Variants in MAGI2 observed in about 807,000 individuals in gnomAD.
The protein encoded by MAGI2 is membrane associated guanylate kinase, WW and PDZ domain containing 2, also known as membrane-associated guanylate kinase, WW and PDZ domain-containing protein 2.
A neutral mutation model predicts 133.3 loss-of-function variants in MAGI2; 35 were observed. The ratio of observed to expected loss-of-function variants is 0.26; its 90% CI spans 0.20 to 0.35. The LOEUF (loss-of-function observed/expected upper bound fraction) is 0.35, where lower values mean the gene tolerates loss of function less well. Among genes scored for constraint, MAGI2 ranks in the 10% least tolerant of loss-of-function variants. The probability of loss-of-function intolerance (pLI) is 1.00; values close to 1 mark genes in which losing one functional copy is unlikely to be tolerated. For synonymous variants in MAGI2, 729 were observed against 710.6 expected, an observed-to-expected ratio of 1.03 and a Z score of -0.41; for missense variants, 1,636 against 1,863.4, an observed-to-expected ratio of 0.88 and a Z score of 2.25.
chr7:78,578,855 C>T (rs1359333441), intron 3 of MAGI2, among the ~76,000 whole-genome samples: 1 of 152,160 alleles, frequency 6.6e-6, no homozygotes, highest in Non-Finnish European at 1.5e-5. Context: ...CAAAATACTC[C>T]CAGGCCTTCA....
chr7:78,388,391 C>A (rs1253883066), intron 6 of MAGI2, among the ~76,000 whole-genome samples: 1 of 152,074 alleles, frequency 6.6e-6, no homozygotes, highest in Admixed American at 6.5e-5. Flanking sequence ...TGGGTCCAAA[C>A]TTAGAGTGTG....
At chr7:78,205,648 T>C (rs1373243675) in intron 10 of MAGI2, among the ~76,000 whole-genome samples, 1 of 152,218 alleles carries the variant, frequency 6.6e-6, no homozygotes, top group Non-Finnish European at 1.5e-5. Context: ...TTGTTTGAAA[T>C]TCAATTTAAT....
chr7:78,749,704 G>A (rs959627150), intron 2 of MAGI2, among the ~76,000 whole-genome samples: 1 of 152,104 alleles, frequency 6.6e-6, no homozygotes, highest in Non-Finnish European at 1.5e-5. Flanking sequence ...CTGGGGAGAT[G>A]TTAAAGATTT....
In MAGI2 at chr7:79,280,926, G is replaced by GA. The variant is rs71095390; in HGVS notation, c.301+172093dup. Among the ~76,000 whole-genome samples the GA allele has an allele frequency of 7.5e-4, 27 of 35,786 alleles. 3 individuals are homozygous for GA. Among genetic ancestry groups the GA allele is most frequent in the South Asian group, 2.3e-3 (1 of 442 alleles). The allele number at this position is 35,786 out of a possible 152,430, so 23.5% of individuals were successfully genotyped here. ...GGTGACAGAGCAAGACTCTGTCTCT[G>GA]AAAAAAAAAAAAAAAAAAAAAAAAA... On this transcript the variant is annotated intron_variant, in intron 1 of 21. Transcript: ENST00000354212.
chr7:79,215,068 C>T (rs1467120881), intron 1 of MAGI2, among the ~76,000 whole-genome samples: 1 of 151,504 alleles, frequency 6.6e-6, no homozygotes, highest in East Asian at 1.9e-4. Context: ...CAAGGGCATT[C>T]CAAAGTAAAG....
At chr7:78,555,274 T>C (rs1252626303) in intron 3 of MAGI2, among the ~76,000 whole-genome samples, 5 of 152,126 alleles carry the variant, frequency 3.3e-5, no homozygotes, top group African/African-American at 1.2e-4. Context: ...TGGGACTTTG[T>C]TTCCTTATGA....
intron 6 of MAGI2, among the ~76,000 whole-genome samples, chr7:78,379,669 C>T (rs2068338): frequency 0.82 from 124,123 of 151,978 alleles, 50,803 homozygotes; most frequent in Admixed American, 0.85. Flanking sequence ...AATATCATAA[C>T]TAGGCAGATC....
intron 1 of MAGI2, among the ~76,000 whole-genome samples, chr7:79,213,276 A>G (rs74616859): frequency 0.018 from 2,614 of 147,488 alleles, 102 homozygotes; most frequent in African/African-American, 0.061. Flanking sequence ...GTGGGTGTGT[A>G]TATATATATG....
intron 21 of MAGI2, among the ~76,000 whole-genome samples, chr7:78,075,102 G>C (rs947428654): frequency 2.6e-5 from 4 of 152,216 alleles, no homozygotes; most frequent in African/African-American, 9.6e-5. Flanking sequence ...TTGCTTCTGG[G>C]AGTCTGGAAG....
At chr7:79,188,803 A>T (rs1827393263) in intron 1 of MAGI2, among the ~76,000 whole-genome samples, 1 of 151,914 alleles carries the variant, frequency 6.6e-6, no homozygotes, top group Admixed American at 6.6e-5. Flanking sequence ...AGGGAAAAAT[A>T]ATAAGTCACA....
chr7:78,226,552 G>A (rs964404272), intron 10 of MAGI2, among the ~76,000 whole-genome samples: 1 of 152,192 alleles, frequency 6.6e-6, no homozygotes, highest in African/African-American at 2.4e-5. Flanking sequence ...TATTCTGGCT[G>A]AAGTCCAACC....
At chr7:78,568,677 A>G (rs1302282915) in intron 3 of MAGI2, among the ~76,000 whole-genome samples, 1 of 152,168 alleles carries the variant, frequency 6.6e-6, no homozygotes, top group Admixed American at 6.5e-5. Flanking sequence ...CTCTGCTTCC[A>G]CTATCGTCCC....
chr7:78,907,157 G>A (rs977434491), intron 2 of MAGI2, among the ~76,000 whole-genome samples: 19 of 152,156 alleles, frequency 1.2e-4, no homozygotes, highest in Admixed American at 8.5e-4. Context: ...AGAATGTTCC[G>A]AAGAGAGGAC....
intron 2 of MAGI2, among the ~76,000 whole-genome samples, chr7:78,868,189 G>T (rs887280466): frequency 6.6e-6 from 1 of 150,428 alleles, no homozygotes; most frequent in African/African-American, 2.5e-5. Context: ...ATGGAAAATG[G>T]CATACTTAAT....
At chr7:78,671,252 A>G (rs1585039645) in intron 2 of MAGI2, among the ~76,000 whole-genome samples, 1 of 150,750 alleles carries the variant, frequency 6.6e-6, no homozygotes. Context: ...CAGGCTTGCA[A>G]AACATAATTT....
intron 15 of MAGI2, among the ~76,000 whole-genome samples, chr7:78,163,504 C>G (rs866752862): frequency 1.3e-5 from 2 of 152,098 alleles, no homozygotes; most frequent in African/African-American, 4.8e-5. Flanking sequence ...CATCACTGTG[C>G]TAAGAGAGGG....
chr7:78,971,176 T>A (rs796755261), intron 2 of MAGI2, among the ~76,000 whole-genome samples: 12 of 152,112 alleles, frequency 7.9e-5, no homozygotes, highest in African/African-American at 2.9e-4. Context: ...CTGAAATCAG[T>A]AAGTGTGTTT....
At chr7:78,659,068 T>C (rs1332726981) in intron 2 of MAGI2, among the ~76,000 whole-genome samples, 1 of 152,128 alleles carries the variant, frequency 6.6e-6, no homozygotes, top group Non-Finnish European at 1.5e-5. Flanking sequence ...CCTAGACGTC[T>C]GTCCTTCAAG....
chr7:78,395,059 T>A (rs916164057), intron 6 of MAGI2, among the ~76,000 whole-genome samples: 2 of 152,226 alleles, frequency 1.3e-5, no homozygotes, highest in African/African-American at 4.8e-5. Context: ...CTAGTTCTTA[T>A]AAAGGAGAAT....
Sources: allele counts gnomAD v4.1 joint callset (sites outside exome capture counted in the v4.1 genomes callset), GRCh38; gene constraint gnomAD v4.1.1; transcripts MANE v1.5; gene names NCBI Gene and HGNC (gene_info 2026-07-23, HGNC 2026-07-21).